Variants in CADM2 observed in about 807,000 individuals in gnomAD.
The protein encoded by CADM2 is immunoglobulin superfamily member 4D.
In CADM2, 12 loss-of-function variants were observed where a neutral mutation model predicts 49.8. That is an observed-to-expected ratio of 0.24 (90% confidence interval 0.15 to 0.39). The LOEUF is 0.39. Among genes scored for constraint, CADM2 ranks in the 10% least tolerant of loss-of-function variants. CADM2 has a pLI of 1.00. For synonymous variants in CADM2, 214 were observed against 175.4 expected, an observed-to-expected ratio of 1.22 and a Z score of -1.74; for missense variants, 378 against 492.3, an observed-to-expected ratio of 0.77 and a Z score of 2.20.
intron 1 of CADM2, among the ~76,000 whole-genome samples, chr3:85,154,296 A>G (rs1195309578): frequency 6.6e-6 from 1 of 152,236 alleles, no homozygotes; most frequent in Non-Finnish European, 1.5e-5. Context: ...AAGAATGCAG[A>G]AGCCTCAGGA....
chr3:85,150,932 T>A (rs1575986640), intron 1 of CADM2, among the ~76,000 whole-genome samples: 1 of 148,428 alleles, frequency 6.7e-6, no homozygotes, highest in Non-Finnish European at 1.5e-5. Context: ...TAAATAATAA[T>A]AATAATAATA....
chr3:85,722,796 G>A (rs2067555098), intron 1 of CADM2, among the ~76,000 whole-genome samples: 1 of 152,124 alleles, frequency 6.6e-6, no homozygotes, highest in South Asian at 2.1e-4. Context: ...TTCTGAGAAT[G>A]CCTTCATACC....
chr3:85,481,229 G>GATATATATATATATATAT (rs3086137), intron 1 of CADM2, among the ~76,000 whole-genome samples: 156 of 144,942 alleles, frequency 1.1e-3, no homozygotes, highest in Middle Eastern at 3.7e-3. Flanking sequence ...ATATATATTG[G>GATATATATATATATATAT]ATATATATAT....
chr3:85,275,593 A>T (rs2043338396), intron 1 of CADM2, among the ~76,000 whole-genome samples: 1 of 151,270 alleles, frequency 6.6e-6, no homozygotes, highest in African/African-American at 2.4e-5. Context: ...GAACTTCTTG[A>T]TTAAGCATTC....
chr3:85,640,911 G>A (rs958950837), intron 1 of CADM2, among the ~76,000 whole-genome samples: 3 of 152,160 alleles, frequency 2.0e-5, no homozygotes, highest in Non-Finnish European at 4.4e-5. Context: ...TCTTGCTTCA[G>A]AAAGTGGATT....
intron 1 of CADM2, among the ~76,000 whole-genome samples, chr3:85,666,743 C>A (rs1269480104): frequency 6.6e-6 from 1 of 151,650 alleles, no homozygotes; most frequent in Non-Finnish European, 1.5e-5. Flanking sequence ...CCGTGAAGAT[C>A]TTCAGGGGAG....
At chr3:86,063,149 A>G (rs1436269771) in intron 8 of CADM2, among the ~76,000 whole-genome samples, 2 of 152,170 alleles carry the variant, frequency 1.3e-5, no homozygotes, top group Non-Finnish European at 2.9e-5. Flanking sequence ...GAAACAACGT[A>G]AAGTTCCATC....
At chr3:84,979,363 T>C (rs1339826541) in intron 1 of CADM2, among the ~76,000 whole-genome samples, 1 of 152,126 alleles carries the variant, frequency 6.6e-6, no homozygotes, top group Non-Finnish European at 1.5e-5. Flanking sequence ...TACTTACTGA[T>C]ATCTAAGTAT....
At chr3:85,290,042 A>G (rs949580222) in intron 1 of CADM2, among the ~76,000 whole-genome samples, 4 of 152,100 alleles carry the variant, frequency 2.6e-5, no homozygotes, top group Non-Finnish European at 4.4e-5. Context: ...GTTTCATCTC[A>G]CTAGGGAGTG....
At chr3:85,790,591 A>C (rs2071264757) in intron 2 of CADM2, among the ~76,000 whole-genome samples, 1 of 152,182 alleles carries the variant, frequency 6.6e-6, no homozygotes, top group South Asian at 2.1e-4. Flanking sequence ...ACTAGGGCCA[A>C]GCTTTGGGTA....
chr3:85,156,401 A>G (rs1039724164), intron 1 of CADM2, among the ~76,000 whole-genome samples: 3 of 152,148 alleles, frequency 2.0e-5, no homozygotes, highest in Admixed American at 6.5e-5. Flanking sequence ...CTCGACACAT[A>G]CACTCTCCCA....
chr3:85,137,543 C>A (rs2039453317), intron 1 of CADM2, among the ~76,000 whole-genome samples: 1 of 151,948 alleles, frequency 6.6e-6, no homozygotes, highest in Non-Finnish European at 1.5e-5. Context: ...AATATTTACT[C>A]TACATCTTGG....
At chr3:85,295,012 A>C (rs895006925) in intron 1 of CADM2, among the ~76,000 whole-genome samples, 4 of 152,110 alleles carry the variant, frequency 2.6e-5, no homozygotes, top group African/African-American at 9.7e-5. Flanking sequence ...CAACCTACAA[A>C]ATGGGAGAAA....
intron 1 of CADM2, among the ~76,000 whole-genome samples, chr3:85,392,028 G>A (rs957969941): frequency 6.6e-6 from 1 of 152,074 alleles, no homozygotes; most frequent in Non-Finnish European, 1.5e-5. Flanking sequence ...GTTAGCATTG[G>A]GAGAGAAGAA....
At chr3:85,997,634 T>C (rs1197393306) in intron 8 of CADM2, among the ~76,000 whole-genome samples, 1 of 152,192 alleles carries the variant, frequency 6.6e-6, no homozygotes, top group Non-Finnish European at 1.5e-5. Flanking sequence ...TTAGATTTCA[T>C]TGGGATACTT....
At chr3:85,123,104 C>T (rs1205537939) in intron 1 of CADM2, among the ~76,000 whole-genome samples, 1 of 152,038 alleles carries the variant, frequency 6.6e-6, no homozygotes, top group Non-Finnish European at 1.5e-5. Flanking sequence ...ATGCTTTTTT[C>T]CTACTTTTTT....
At chr3:85,015,962 A>G (rs968022447) in intron 1 of CADM2, among the ~76,000 whole-genome samples, 2 of 152,176 alleles carry the variant, frequency 1.3e-5, no homozygotes, top group Non-Finnish European at 2.9e-5. Flanking sequence ...CTTCAGGTGT[A>G]GTAGGAATGA....
intron 1 of CADM2, among the ~76,000 whole-genome samples, chr3:85,221,866 C>G (rs762827855): frequency 1.3e-5 from 2 of 151,940 alleles, no homozygotes; most frequent in African/African-American, 2.4e-5. Flanking sequence ...TAATTGAGCT[C>G]TAGATACCGT....
chr3:85,774,001 G>T (rs1380350972), intron 2 of CADM2, among the ~76,000 whole-genome samples: 1 of 151,844 alleles, frequency 6.6e-6, no homozygotes, highest in African/African-American at 2.4e-5. Flanking sequence ...TTTTTGCTTT[G>T]AAAGTTGTAT....
Sources: allele counts gnomAD v4.1 joint callset (sites outside exome capture counted in the v4.1 genomes callset), GRCh38; gene constraint gnomAD v4.1.1; transcripts MANE v1.5; gene names NCBI Gene and HGNC (gene_info 2026-07-23, HGNC 2026-07-21).